The following DYNC2I1 variants were observed in gnomAD, a reference collection of about 807,000 sequenced individuals.
The protein encoded by DYNC2I1 is cytoplasmic dynein 2 intermediate chain 1.
In DYNC2I1, 89 loss-of-function variants were observed where a neutral mutation model predicts 133.4. The ratio of observed to expected loss-of-function variants is 0.67; its 90% CI spans 0.56 to 0.80. DYNC2I1 has a LOEUF of 0.80. Among genes scored for constraint, DYNC2I1 ranks in the 30% least tolerant of loss-of-function variants. The pLI is 0.00. For synonymous variants in DYNC2I1, 504 were observed against 484.3 expected, an observed-to-expected ratio of 1.04 and a Z score of -0.54; for missense variants, 1,291 against 1,314.5, an observed-to-expected ratio of 0.98 and a Z score of 0.28.
the DYNC2I1 span, among the ~76,000 whole-genome samples, chr7:158,849,948 C>G: frequency 2.6e-5 from 4 of 152,368 alleles, no homozygotes; most frequent in African/African-American, 4.8e-5. Flanking sequence ...CAGGCCCTCC[C>G]TGGCCTAGAG....
At chr7:158,935,291 C>T (rs1290794093) in intron 23 of DYNC2I1, among the ~76,000 whole-genome samples, 1 of 152,240 alleles carries the variant, frequency 6.6e-6, no homozygotes, top group East Asian at 1.9e-4. Context: ...GTCAGCCCAG[C>T]TCACCCTAGT....
intron 11 of DYNC2I1, among the ~76,000 whole-genome samples, chr7:158,910,652 A>G (rs1027330420): frequency 2.1e-5 from 3 of 145,766 alleles, no homozygotes; most frequent in Non-Finnish European, 4.5e-5. Flanking sequence ...GCCGAGGGCA[A>G]TTGGAGGGCA....
chr7:158,947,076 G>T (rs999364783), downstream of DYNC2I1, among the ~76,000 whole-genome samples: 2 of 152,234 alleles, frequency 1.3e-5, no homozygotes, highest in Non-Finnish European at 2.9e-5. Context: ...CCAGGTGCCT[G>T]CTACAGCGCC....
chr7:158,893,887 A>G (rs1326661669), intron 8 of DYNC2I1, among the ~76,000 whole-genome samples: 3 of 151,868 alleles, frequency 2.0e-5, no homozygotes, highest in African/African-American at 4.8e-5. Context: ...ATCGTAACAC[A>G]TGTCACACTA....
In DYNC2I1 at chr7:158,902,405, TG is replaced by T. The variant is rs1374574282; in HGVS notation, c.1169del (p.Gly390ValfsTer21). On this transcript the variant is annotated frameshift_variant, in exon 10 of 25. Coordinates refer to ENST00000407559, the MANE Select transcript of DYNC2I1 (RefSeq NM_018051.5). LOFTEE classifies it high-confidence loss of function. ...DYEDDFEVCD[G>X]DDDESSNEPE... ...ATGAAGATGACTTTGAGGTTTGTGA[TG>T]GTGATGATGATGAAAGCAGTAATGA... 6.2e-7 allele frequency: 1 copy of T among 1,613,486 alleles called. No homozygotes were observed. The highest frequency in any genetic ancestry group is 1.7e-5 in the Admixed American group (1 of 59,994).
chr7:158,946,244 A>G (rs1851867247), downstream of DYNC2I1: 1 of 152,808 alleles, frequency 6.5e-6, no homozygotes, highest in Non-Finnish European at 1.5e-5. Flanking sequence ...TTTTGGGATT[A>G]TTGGAATGTT....
At chr7:158,953,589 A>G (rs1285532138) in intron 4 of DYNC2I1, among the ~76,000 whole-genome samples, 2 of 152,082 alleles carry the variant, frequency 1.3e-5, no homozygotes, top group Non-Finnish European at 2.9e-5. Flanking sequence ...TATCTCTACA[A>G]ATAAACATAG....
chr7:158,889,835 TCTCTA>T (rs146366729), intron 7 of DYNC2I1, among the ~76,000 whole-genome samples: 1,553 of 151,782 alleles, frequency 0.01, 13 homozygotes, highest in African/African-American at 0.034. Flanking sequence ...GAAACTCCCG[TCTCTA>T]CTCAAAATAC....
intron 4 of DYNC2I1, among the ~76,000 whole-genome samples, chr7:158,955,342 C>G (rs796894540): frequency 5.9e-5 from 9 of 152,342 alleles, no homozygotes; most frequent in African/African-American, 2.2e-4. Flanking sequence ...TGCCGCACCT[C>G]TGCCATCCGC....
At chr7:158,939,121 T>G (rs1437767094) in intron 23 of DYNC2I1, among the ~76,000 whole-genome samples, 3 of 152,188 alleles carry the variant, frequency 2.0e-5, no homozygotes, top group African/African-American at 7.2e-5. Flanking sequence ...AGGTAAGTTG[T>G]TATCTCTTTA....
At chr7:158,875,512 A>G (rs1019440249) in intron 3 of DYNC2I1, among the ~76,000 whole-genome samples, 9 of 152,164 alleles carry the variant, frequency 5.9e-5, no homozygotes, top group Non-Finnish European at 1.2e-4. Flanking sequence ...TTTTGTGTGC[A>G]GATTCAGAAG....
chr7:158,953,852 T>C (rs528391283), intron 4 of DYNC2I1, among the ~76,000 whole-genome samples: 1 of 152,044 alleles, frequency 6.6e-6, no homozygotes, highest in Admixed American at 6.5e-5. Context: ...ATATGTTATA[T>C]ATATGCCTAA....
intron 21 of DYNC2I1, among the ~76,000 whole-genome samples, chr7:158,933,460 T>G (rs1377421853): frequency 6.6e-6 from 1 of 152,168 alleles, no homozygotes; most frequent in Non-Finnish European, 1.5e-5. Context: ...GAGGTAGAAC[T>G]GAGACCCCTG....
chr7:158,929,897 G>T (rs1319313777), intron 20 of DYNC2I1, among the ~76,000 whole-genome samples: 4 of 152,232 alleles, frequency 2.6e-5, no homozygotes, highest in Non-Finnish European at 4.4e-5. Context: ...TCAGGCCTCA[G>T]AGCCGTGGCT....
chr7:158,878,735 A>C (rs1161057238), intron 4 of DYNC2I1, among the ~76,000 whole-genome samples: 9 of 142,046 alleles, frequency 6.3e-5, no homozygotes, highest in African/African-American at 2.4e-4. Flanking sequence ...GCAGACTGTG[A>C]GTGCCGGGTG....
chr7:158,879,656 G>T, intron 4 of DYNC2I1, 28 bp from the exon 5 acceptor site: 3 of 1,543,266 alleles, frequency 1.9e-6, no homozygotes, highest in Non-Finnish European at 2.6e-6. Context: ...ATGTGCTCCT[G>T]TGTTTCTCAG....
At position 158,871,357 on chromosome 7, in the gene DYNC2I1, C is replaced by T. The variant is rs553441202; in HGVS notation, c.285C>T (p.Asp95=). 39 of 1,551,852 alleles carry T rather than the reference C, an allele frequency of 2.5e-5. No homozygotes were observed. The South Asian group carries it at 2.7e-4, about 11-fold the overall frequency. Residue 95 remains aspartate, a synonymous_variant, in exon 3 of 25, where the codon GAC becomes GAT. Coordinates refer to ENST00000407559, the MANE Select transcript of DYNC2I1 (RefSeq NM_018051.5). ...DRDRQRERRR[D]AKDREKEKLK... ...ACAGACAGAGGGAGAGGAGAAGAGA[C>T]GCAAAAGACCGGGAGAAAGAAAAGC...
rs112995054 is a variant in DYNC2I1 at position 158,915,686 on chromosome 7, G to T, written c.1791+1365G>T. ...ACATTAAGGATGATTGTGAAACGTC[G>T]ACACGCTGGTTGACATTAAGGATGA... is the stretch of plus-strand genomic sequence containing the variant. On this transcript the variant is annotated intron_variant, in intron 14 of 24. Coordinates refer to ENST00000407559, the MANE Select transcript of DYNC2I1 (RefSeq NM_018051.5). Among the ~76,000 whole-genome samples the T allele has an allele frequency of 1.1e-4, 16 of 139,948 alleles. No individual in the cohort carries two copies. In the South Asian group the frequency reaches 2.9e-3, roughly 25 times the overall value. The allele number at this position is 139,948 out of a possible 152,430, so 91.8% of individuals were successfully genotyped here.
chr7:158,909,324 C>G (rs1847149602), intron 11 of DYNC2I1, among the ~76,000 whole-genome samples: 1 of 104,190 alleles, frequency 9.6e-6, no homozygotes, highest in African/African-American at 4.4e-5. Context: ...GAGCAAGACT[C>G]TGTCTCAAAA....
Sources: allele counts gnomAD v4.1 joint callset (sites outside exome capture counted in the v4.1 genomes callset), GRCh38; gene constraint gnomAD v4.1.1; transcripts MANE v1.5; gene names NCBI Gene and HGNC (gene_info 2026-07-23, HGNC 2026-07-21).